Variants in DYM observed in about 807,000 individuals in gnomAD.
DYM encodes dymeclin.
A neutral mutation model predicts 93.1 loss-of-function variants in DYM; 78 were observed. The observed-to-expected ratio is 0.84, with a 90% CI of 0.70 to 1.01. The LOEUF is 1.01. Among genes scored for constraint, DYM ranks in the 50% least tolerant of loss-of-function variants. The pLI, the probability that DYM is intolerant of heterozygous loss-of-function variation, is 0.00. For missense variants in DYM, 789 were observed against 845.0 expected, an observed-to-expected ratio of 0.93 and a Z score of 0.82; for synonymous variants, 321 against 319.7, an observed-to-expected ratio of 1.00 and a Z score of -0.04.
At chr18:49,312,256 A>C (rs2061644433) in intron 8 of DYM, among the ~76,000 whole-genome samples, 1 of 152,168 alleles carries the variant, frequency 6.6e-6, no homozygotes, top group African/African-American at 2.4e-5. Flanking sequence ...TAAGCCAAAG[A>C]GAGTTTAAAG....
chr18:49,084,865 C>G (rs141067940), intron 17 of DYM, among the ~76,000 whole-genome samples: 4 of 152,100 alleles, frequency 2.6e-5, no homozygotes, highest in African/African-American at 2.4e-5. Flanking sequence ...GAAATATACA[C>G]GCAGATGGTA....
chr18:49,202,916 C>A (rs80175908), intron 14 of DYM, among the ~76,000 whole-genome samples: 3 of 131,538 alleles, frequency 2.3e-5, no homozygotes, highest in South Asian at 5.6e-4. Context: ...GGGGGTCAGC[C>A]CCCCGCCTGG....
intron 5 of DYM, among the ~76,000 whole-genome samples, chr18:49,371,300 G>A (rs534666472): frequency 1.3e-5 from 2 of 152,222 alleles, no homozygotes; most frequent in Admixed American, 6.5e-5. Context: ...AGGAATTTGA[G>A]ACCAGCCTGG....
intron 6 of DYM, among the ~76,000 whole-genome samples, chr18:49,339,220 TCACACAGA>T (rs528288759): frequency 1.8e-4 from 28 of 152,320 alleles, no homozygotes; most frequent in African/African-American, 5.3e-4. Context: ...CTATGTCCAT[TCACACAGA>T]CACACAGACA....
chr18:49,455,039 C>CA (rs1161078128), intron 1 of DYM, among the ~76,000 whole-genome samples: 1 of 151,448 alleles, frequency 6.6e-6, no homozygotes, highest in Non-Finnish European at 1.5e-5. Context: ...CCTTAACCCA[C>CA]AAAAAAATAA....
rs572957301 is a variant in DYM at position 49,288,794 on chromosome 18, A to C, written c.764-2178T>G. Among the ~76,000 whole-genome samples the C allele has an allele frequency of 2.2e-4, 33 of 152,184 alleles. 1 individual carries two copies. In the South Asian group the frequency reaches 6.8e-3, roughly 32 times the overall value. On this transcript the variant is annotated intron_variant, in intron 8 of 17. Transcript: ENST00000675505. ...GACTCTGTCTCAAAAAAAAACAAAAAACAAAACAAAAACAAAAAAAAGTCA... is the reference window on the plus strand; with the variant it reads ...GACTCTGTCTCAAAAAAAAACAAAACACAAAACAAAAACAAAAAAAAGTCA...
intron 13 of DYM, among the ~76,000 whole-genome samples, chr18:49,253,121 G>A (rs1262960817): frequency 6.6e-6 from 1 of 152,122 alleles, no homozygotes; most frequent in African/African-American, 2.4e-5. Context: ...AATGTAACAT[G>A]TTATCTGTTT....
At chr18:49,327,146 T>C (rs773649806) in intron 8 of DYM, among the ~76,000 whole-genome samples, 7 of 151,950 alleles carry the variant, frequency 4.6e-5, no homozygotes, top group Non-Finnish European at 1.0e-4. Context: ...AATAAATCAA[T>C]CTGGATAAAG....
At chr18:49,231,620 C>T (rs2093697569) in intron 13 of DYM, among the ~76,000 whole-genome samples, 1 of 152,168 alleles carries the variant, frequency 6.6e-6, no homozygotes, top group Admixed American at 6.5e-5. Flanking sequence ...AATACATGAA[C>T]GAGTTGCCAC....
intron 15 of DYM, among the ~76,000 whole-genome samples, chr18:49,145,915 TA>T (rs2085081854): frequency 1.3e-5 from 2 of 152,156 alleles, no homozygotes; most frequent in Admixed American, 1.3e-4. Flanking sequence ...TTTTGGTATT[TA>T]GGAAGGTTTA....
rs568787986 is a variant in DYM at position 49,401,714 on chromosome 18, A to C, written c.141-10069T>G. Among the ~76,000 whole-genome samples, 7 of 152,234 alleles carry C rather than the reference A, an allele frequency of 4.6e-5. No homozygotes were observed. In the South Asian group the frequency reaches 1.5e-3, roughly 32 times the overall value. ...GGGCTACCCGGAAGATAATTCAGTA[A>C]GGAAGTGGTTATGAAAATTTTCACA... On this transcript the variant is annotated intron_variant, in intron 2 of 17. Coordinates refer to ENST00000675505, the MANE Select transcript of DYM (RefSeq NM_001353214.3).
Position 49,430,239 on chromosome 18 carries a change from C to G in DYM, c.140+16G>C, listed in dbSNP as rs779399274. On this transcript the variant is annotated intron_variant, in intron 2 of 17. Transcript: ENST00000675505. The stretch of plus-strand genomic sequence containing the variant: ...GGCCCTCTATTCAAATTTTCAATCT[C>G]CAGGCAATCTCTTACCTGCTAGTTG... 10 of 1,613,032 alleles carry G rather than the reference C, an allele frequency of 6.2e-6. No homozygotes were observed. The highest frequency in any genetic ancestry group is 7.6e-6 in the Non-Finnish European group (9 of 1,179,548).
chr18:49,239,054 A>G (rs2093954825), intron 13 of DYM, among the ~76,000 whole-genome samples: 1 of 152,154 alleles, frequency 6.6e-6, no homozygotes, highest in South Asian at 2.1e-4. Context: ...GTCAATATCA[A>G]CAACTCAGTG....
At chr18:49,459,821 A>G (rs549404699) in intron 1 of DYM, among the ~76,000 whole-genome samples, 1 of 152,036 alleles carries the variant, frequency 6.6e-6, no homozygotes, top group East Asian at 1.9e-4. Flanking sequence ...CAGTCAAAAC[A>G]CAATTGCTCA....
chr18:49,148,248 A>C (rs1600143025), intron 15 of DYM, among the ~76,000 whole-genome samples: 1 of 152,034 alleles, frequency 6.6e-6, no homozygotes, highest in Non-Finnish European at 1.5e-5. Context: ...TGTTAAATGA[A>C]GAGTTAATGG....
intron 17 of DYM, among the ~76,000 whole-genome samples, chr18:49,088,151 T>G (rs2078723033): frequency 6.6e-6 from 1 of 152,218 alleles, no homozygotes; most frequent in South Asian, 2.1e-4. Flanking sequence ...TGGCTTTTGT[T>G]GCCATTGCTT....
intron 2 of DYM, among the ~76,000 whole-genome samples, chr18:49,403,671 G>T (rs1254511410): frequency 6.6e-6 from 1 of 152,098 alleles, no homozygotes; most frequent in Non-Finnish European, 1.5e-5. Flanking sequence ...TGAGATTTGG[G>T]ATATGAATGA....
chr18:49,344,941 A>T (rs1362834099), intron 6 of DYM, among the ~76,000 whole-genome samples: 1 of 152,202 alleles, frequency 6.6e-6, no homozygotes, highest in Non-Finnish European at 1.5e-5. Flanking sequence ...GCTATGAAAA[A>T]AGTAAGGGTA....
intron 14 of DYM, among the ~76,000 whole-genome samples, chr18:49,201,669 C>T (rs989233244): frequency 6.6e-6 from 1 of 152,180 alleles, no homozygotes; most frequent in African/African-American, 2.4e-5. Context: ...GCCAAACATC[C>T]TATTACTGCC....
Sources: gnomAD v4.1 joint callset for allele counts (sites outside exome capture counted in the v4.1 genomes callset) on GRCh38, gnomAD v4.1.1 for gene constraint, MANE v1.5 for transcripts, NCBI Gene and HGNC (gene_info 2026-07-23, HGNC 2026-07-21) for gene names.